Variants in USP28 observed in about 807,000 individuals in gnomAD.
USP28 encodes the protein ubiquitin carboxyl-terminal hydrolase 28.
A neutral mutation model predicts 145.0 loss-of-function variants in USP28; 113 were observed. That is an observed-to-expected ratio of 0.78 (90% CI 0.67 to 0.91). The LOEUF (loss-of-function observed/expected upper bound fraction) is 0.91, where lower values mean the gene tolerates loss of function less well. Among genes scored for constraint, USP28 ranks in the 40% least tolerant of loss-of-function variants. USP28 has a pLI of 0.00. For synonymous variants in USP28, 447 were observed against 450.9 expected, an observed-to-expected ratio of 0.99 and a Z score of 0.11; for missense variants, 1,201 against 1,289.6, an observed-to-expected ratio of 0.93 and a Z score of 1.05.
intron 1 of USP28, chr11:113,874,738 C>T: frequency 8.5e-7 from 1 of 1,176,652 alleles, no homozygotes; most frequent in Non-Finnish European, 1.1e-6. Flanking sequence ...GCTTTTCTCT[C>T]AAACCAGGGT....
At chr11:113,830,973 A>G (rs1943911042) in intron 8 of USP28, 30 bp from the exon 9 acceptor site, 1 of 1,609,144 alleles carries the variant, frequency 6.2e-7, no homozygotes. Flanking sequence ...ACAATTCTGG[A>G]TTGTTTGGAT....
chr11:113,829,391 T>A (rs756629374), intron 9 of USP28, 46 bp from the exon 10 acceptor site: 2 of 1,601,394 alleles, frequency 1.2e-6, no homozygotes, highest in South Asian at 2.2e-5. Flanking sequence ...ACTATGACTA[T>A]CTAAAGCCTA....
At chr11:113,808,228 A>G in intron 18 of USP28, 70 bp downstream of exon 18, 1 of 1,575,570 alleles carries the variant, frequency 6.3e-7, no homozygotes, top group Non-Finnish European at 8.6e-7. Flanking sequence ...AATAATAGAA[A>G]TGTGAGAAAA....
intron 1 of USP28, 63 bp from the exon 2 acceptor site, chr11:113,854,398 A>G (rs1160718520): frequency 1.3e-6 from 2 of 1,484,596 alleles, no homozygotes; most frequent in Admixed American, 1.7e-5. Flanking sequence ...GGGTACATTT[A>G]AAGAATAACT....
intron 5 of USP28, among the ~76,000 whole-genome samples, chr11:113,837,589 T>G (rs937424439): frequency 6.6e-5 from 10 of 152,242 alleles, no homozygotes; most frequent in African/African-American, 2.4e-4. Flanking sequence ...TTGATCTCTT[T>G]CCTGGCTCCC....
At chr11:113,830,378 G>A (rs1001610148) in intron 9 of USP28, among the ~76,000 whole-genome samples, 2 of 152,116 alleles carry the variant, frequency 1.3e-5, no homozygotes, top group African/African-American at 4.8e-5. Context: ...CTAAGGCTGG[G>A]TTCATGGAGG....
chr11:113,817,652 C>A lies in USP28; in HGVS notation c.1463+6G>T. ...CATACCATTAAAAAAAAAATGTTTT[C>A]ATTACCTTTCCTTGGATGTCTGGTC... is the stretch of plus-strand genomic sequence containing the variant. On this transcript the variant is annotated splice_donor_region_variant and intron_variant, in intron 13 of 24. Coordinates refer to ENST00000003302, the Ensembl canonical transcript of USP28. 1 of 1,610,992 alleles carries A rather than the reference C, an allele frequency of 6.2e-7. No homozygotes were observed. Among genetic ancestry groups the A allele is most frequent in the Non-Finnish European group, 8.5e-7 (1 of 1,178,538 alleles).
intron 1 of USP28, among the ~76,000 whole-genome samples, chr11:113,865,932 T>C (rs576303361): frequency 4.6e-5 from 7 of 152,154 alleles, no homozygotes; most frequent in Non-Finnish European, 1.0e-4. Context: ...AAGGGCATTA[T>C]CAAGAAAGTG....
rs546288536 is a variant in USP28 at position 113,826,089 on chromosome 11, C to T, written c.1187+1144G>A. 2.6e-5 allele frequency among the ~76,000 whole-genome samples: 4 copies of T among 152,042 alleles called. No individual in the cohort carries two copies. In the South Asian group the frequency reaches 8.3e-4, roughly 32 times the overall value. On this transcript the variant is annotated intron_variant, in intron 11 of 24. Coordinates refer to ENST00000003302, the Ensembl canonical transcript of USP28. ...CACAAGGTCAGGGGATTGAGACCAT[C>T]CTGGCCAACATGGTGAAACCCCGTC...
At chr11:113,838,067 A>T (rs1355104628) in intron 5 of USP28, among the ~76,000 whole-genome samples, 1 of 150,352 alleles carries the variant, frequency 6.7e-6, no homozygotes, top group Non-Finnish European at 1.5e-5. Context: ...CCTTCCCATT[A>T]CTCTCCTGCC....
chr11:113,865,246 G>A (rs1409622187), intron 1 of USP28, among the ~76,000 whole-genome samples: 2 of 152,124 alleles, frequency 1.3e-5, no homozygotes, highest in African/African-American at 4.8e-5. Flanking sequence ...GTGTGGCTGG[G>A]GGTTGCGGGG....
intron 11 of USP28, 100 bp downstream of exon 11, chr11:113,827,133 T>C: frequency 2.1e-6 from 3 of 1,404,048 alleles, no homozygotes; most frequent in Non-Finnish European, 9.5e-7. Flanking sequence ...TTGCATATTA[T>C]CATGTCTCCC....
chr11:113,815,031 G>A, intron 14 of USP28, 143 bp downstream of exon 14: 3 of 757,614 alleles, frequency 4.0e-6, no homozygotes, highest in Non-Finnish European at 6.3e-6. Flanking sequence ...CAGCCTGGGT[G>A]ATAGAGTGAG....
chr11:113,813,634 C>G (rs1941317822), intron 15 of USP28: 1 of 454,028 alleles, frequency 2.2e-6, no homozygotes, highest in Non-Finnish European at 3.9e-6. Flanking sequence ...GACAGCAAAC[C>G]TTTCTACAAT....
intron 11 of USP28, among the ~76,000 whole-genome samples, chr11:113,826,919 CA>C (rs201039687): frequency 0.17 from 17,003 of 100,022 alleles, 928 homozygotes; most frequent in Middle Eastern, 0.24. Flanking sequence ...AACTCTGTCT[CA>C]AAAAAAAAAA....
intron 3 of USP28, among the ~76,000 whole-genome samples, chr11:113,852,223 T>A (rs1023445282): frequency 3.3e-5 from 5 of 151,950 alleles, no homozygotes; most frequent in Admixed American, 2.6e-4. Context: ...AGAGACGGGG[T>A]TTCACCGTGT....
chr11:113,861,955 A>G (rs1947740793), intron 1 of USP28, among the ~76,000 whole-genome samples: 1 of 152,252 alleles, frequency 6.6e-6, no homozygotes, highest in Non-Finnish European at 1.5e-5. Flanking sequence ...AAGATATGAG[A>G]AATCAAATTT....
intron 23 of USP28, 142 bp downstream of exon 24, chr11:113,803,011 TTCCAA>T (rs1428769983): frequency 2.3e-6 from 2 of 854,606 alleles, no homozygotes; most frequent in Non-Finnish European, 3.4e-6. Flanking sequence ...AAAAAACCTG[TTCCAA>T]TGTAAAACTG....
At chr11:113,870,920 T>A (rs1328728707) in intron 1 of USP28, among the ~76,000 whole-genome samples, 2 of 151,858 alleles carry the variant, frequency 1.3e-5, no homozygotes, top group African/African-American at 4.8e-5. Flanking sequence ...ACAGCTGGAC[T>A]GGGCAATAGA....
Sources: gnomAD v4.1 joint callset for allele counts (sites outside exome capture counted in the v4.1 genomes callset) on GRCh38, gnomAD v4.1.1 for gene constraint, MANE v1.5 for transcripts, NCBI Gene and HGNC (gene_info 2026-07-23, HGNC 2026-07-21) for gene names.